Variants in IFT172 observed in about 807,000 individuals in gnomAD.
The protein encoded by IFT172 is intraflagellar transport protein 172 homolog.
Under a neutral mutation model 248.9 loss-of-function variants are expected in IFT172, and 164 were observed. The ratio of observed to expected loss-of-function variants is 0.66; its 90% CI spans 0.58 to 0.75. IFT172 has a LOEUF of 0.75. Among genes scored for constraint, IFT172 ranks in the 30% least tolerant of loss-of-function variants. The pLI is 0.00. For synonymous variants in IFT172, 729 were observed against 791.6 expected, an observed-to-expected ratio of 0.92 and a Z score of 1.33; for missense variants, 1,950 against 2,192.4, an observed-to-expected ratio of 0.89 and a Z score of 2.21.
At chr2:27,472,383 G>A (rs762009149) in intron 14 of IFT172, 21 bp from the exon 15 acceptor site, 73 of 1,591,306 alleles carry the variant, frequency 4.6e-5, no homozygotes, top group South Asian at 3.9e-4. Flanking sequence ...AAGGAGACAG[G>A]GTTAAGAAGA....
intron 35 of IFT172, among the ~76,000 whole-genome samples, chr2:27,450,791 A>G (rs944623856): frequency 3.3e-5 from 5 of 152,046 alleles, no homozygotes; most frequent in African/African-American, 1.2e-4. Flanking sequence ...GGGTTTCACC[A>G]TGTTGGCCAG....
At chr2:27,479,711 T>C in intron 9 of IFT172, 107 bp from the exon 10 acceptor site, 1 of 815,490 alleles carries the variant, frequency 1.2e-6, no homozygotes, top group East Asian at 2.6e-5. Context: ...TAGAGAAGAG[T>C]TGGCAGTGAA....
At chr2:27,457,183 T>C (rs1229952886) in intron 29 of IFT172, among the ~76,000 whole-genome samples, 1 of 152,250 alleles carries the variant, frequency 6.6e-6, no homozygotes, top group African/African-American at 2.4e-5. Flanking sequence ...AAATTTTCTG[T>C]ATACAGATGT....
rs149314410 is a variant in IFT172 at position 27,476,514 on chromosome 2, A to C, written c.1411+127T>G. On this transcript the variant is annotated intron_variant, in intron 14 of 47. Transcript: ENST00000260570. Reference sequence around the variant, plus strand: ...AACATTTCATATATATCCACTGTACATGTGGAGTTACTATTTACCTGGTGC... The same window carrying C: ...AACATTTCATATATATCCACTGTACCTGTGGAGTTACTATTTACCTGGTGC... The C allele has an allele frequency of 7.8e-5, 50 of 642,968 alleles. 1 individual carries two copies. The South Asian group carries it at 9.0e-4, about 12-fold the overall frequency. 39.8% of individuals were successfully genotyped at this position (642,968 alleles called of 1,614,324 possible).
intron 30 of IFT172, chr2:27,455,661 A>G (rs1389445055): frequency 8.4e-6 from 2 of 239,360 alleles, no homozygotes; most frequent in African/African-American, 2.3e-5. Flanking sequence ...CAGTGAGCCA[A>G]GGTTGCACCA....
rs755632444 is a variant in IFT172 at position 27,463,120 on chromosome 2, C to T, written c.1999G>A (p.Ala667Thr). 3 of 1,614,006 alleles carry T rather than the reference C, an allele frequency of 1.9e-6. No homozygotes were observed. The South Asian group carries it at 3.3e-5, about 18-fold the overall frequency. Reference protein sequence around the residue: ...ARFLHETNEIADQVSREYGGE... With the variant: ...ARFLHETNEITDQVSREYGGE... The stretch of plus-strand genomic sequence containing the variant: ...GCATATTCCCGGGATACTTGATCTG[C>T]AATCTCATTGGTCTCATGCAGGAAT... Residue 667 changes from alanine to threonine, a missense_variant, in exon 19 of 48, where the codon GCA (alanine) becomes ACA (threonine). Physicochemically the swap from Ala to Thr is moderately conservative, Grantham distance 58. Transcript: ENST00000260570.
chr2:27,452,479 C>G (rs1340735623), intron 35 of IFT172, among the ~76,000 whole-genome samples: 1 of 152,192 alleles, frequency 6.6e-6, no homozygotes, highest in East Asian at 1.9e-4. Flanking sequence ...TACCTACAGT[C>G]ATGCATTGTC....
chr2:27,456,757 G>C, intron 29 of IFT172, 104 bp from the exon 30 acceptor site: 1 of 1,487,318 alleles, frequency 6.7e-7, no homozygotes, highest in Non-Finnish European at 9.0e-7. Context: ...AAATTGAACA[G>C]GAAGAGGCTG....
At chr2:27,452,551 T>C (rs993465179) in intron 35 of IFT172, among the ~76,000 whole-genome samples, 2 of 152,248 alleles carry the variant, frequency 1.3e-5, no homozygotes, top group African/African-American at 2.4e-5. Context: ...GTAAGCATCA[T>C]AGCACAAACC....
chr2:27,479,257 G>C (rs768814604), intron 10 of IFT172, among the ~76,000 whole-genome samples: 1 of 152,024 alleles, frequency 6.6e-6, no homozygotes, highest in African/African-American at 2.4e-5. Context: ...CGCCCGCCTC[G>C]GCCTCCCAAA....
chr2:27,478,658 A>G (rs1668137947), intron 10 of IFT172, among the ~76,000 whole-genome samples: 1 of 152,208 alleles, frequency 6.6e-6, no homozygotes, highest in Admixed American at 6.5e-5. Flanking sequence ...GATCTCTTTG[A>G]TCAAGGGACA....
chr2:27,453,190 G>C, intron 35 of IFT172, 194 bp downstream of exon 35: 1 of 775,360 alleles, frequency 1.3e-6, no homozygotes, highest in Non-Finnish European at 2.3e-6. Context: ...TGGCTGTCAG[G>C]GCTCTGTCTT....
chr2:27,481,456 C>A, intron 7 of IFT172, among the ~76,000 whole-genome samples, 196 bp from the exon 8 acceptor site: 1 of 145,126 alleles, frequency 6.9e-6, no homozygotes, highest in South Asian at 2.2e-4. Flanking sequence ...CACACACATA[C>A]ACACACACAC....
chr2:27,453,994 G>A lies in IFT172; in HGVS notation c.3699C>T (p.Leu1233=), dbSNP rs773641257. ...TCCAGTGCCCCACCTTATAATAATT[G>A]AGGGCCAGGCCTGGTCTCTGGGCCC... is the stretch of plus-strand genomic sequence containing the variant. ...LLRAQRPGLA[L]NYYKEAGLWS... Residue 1233 remains leucine, a synonymous_variant, in exon 33 of 48, where the codon CTC becomes CTT. Transcript: ENST00000260570. The A allele has an allele frequency of 1.4e-5, 23 of 1,610,036 alleles. No homozygotes were observed. In the East Asian group the frequency reaches 5.1e-4, roughly 36 times the overall value.
chr2:27,472,375 G>C lies in IFT172; in HGVS notation c.1412-13C>G. On this transcript the variant is annotated splice_polypyrimidine_tract_variant and intron_variant, in intron 14 of 47. Transcript: ENST00000260570. ...CCAATCAGATCCACTATAGAATAAA[G>C]GAGACAGGGTTAAGAAGAGAGATTC... 1.2e-6 allele frequency: 2 copies of C among 1,603,518 alleles called. No homozygotes were observed. Among genetic ancestry groups the C allele is most frequent in the Non-Finnish European group, 1.7e-6 (2 of 1,171,026 alleles).
At position 27,474,713 on chromosome 2, in the gene IFT172, G is replaced by A. The variant is rs1445037068; in HGVS notation, c.1411+1928C>T. On this transcript the variant is annotated intron_variant, in intron 14 of 47. Coordinates refer to ENST00000260570, the MANE Select transcript of IFT172 (RefSeq NM_015662.3). ...ATTACAGGTGCCCTCCACCATGCCCGGCTAATTTTTGTATTTTTGGTAGAG... is the reference window on the plus strand; with the variant it reads ...ATTACAGGTGCCCTCCACCATGCCCAGCTAATTTTTGTATTTTTGGTAGAG... 3.9e-5 allele frequency among the ~76,000 whole-genome samples: 6 copies of A among 152,072 alleles called. No homozygotes were observed. The South Asian group carries it at 8.3e-4, about 21-fold the overall frequency.
intron 16 of IFT172, among the ~76,000 whole-genome samples, chr2:27,470,248 A>C (rs962519727): frequency 1.4e-5 from 2 of 140,372 alleles, no homozygotes; most frequent in African/African-American, 5.3e-5. Context: ...TGTCTCAGAA[A>C]GAAGAGAGAG....
rs202181028 is a variant in IFT172, at chr2:27,447,576, G to A, written c.4598C>T (p.Thr1533Met). 37 of 1,614,158 alleles carry A rather than the reference G, an allele frequency of 2.3e-5. No individual in the cohort carries two copies. Among genetic ancestry groups the A allele is most frequent in the South Asian group, 1.3e-4 (12 of 91,084 alleles). Residue 1533 changes from threonine (T) to methionine (M), a missense_variant, in exon 42 of 48, where the codon ACG becomes ATG. Transcript: ENST00000260570. ...ATAGTAATGAGCGATCAGCAGCATC[G>A]TCTTGAACTCCTCATGGGCTGGAGA... is the stretch of plus-strand genomic sequence containing the variant. ...ANSPAHEEFKTMLLIAHYYAT... is the reference protein window; with the variant it reads ...ANSPAHEEFKMMLLIAHYYAT...
intron 20 of IFT172, among the ~76,000 whole-genome samples, chr2:27,462,193 T>C (rs1361281069): frequency 6.6e-6 from 1 of 152,102 alleles, no homozygotes; most frequent in African/African-American, 2.4e-5. Context: ...CCACCACTCC[T>C]GGCTAATTTT....
Sources: allele counts gnomAD v4.1 joint callset (sites outside exome capture counted in the v4.1 genomes callset), GRCh38; gene constraint gnomAD v4.1.1; transcripts MANE v1.5; gene names NCBI Gene and HGNC (gene_info 2026-07-23, HGNC 2026-07-21).